SLTM: variants seen among roughly 807,000 people sequenced by gnomAD.
The protein encoded by SLTM is SAFB-like transcription modulator.
Under a neutral mutation model 134.6 loss-of-function variants are expected in SLTM, and 43 were observed. The ratio of observed to expected loss-of-function variants is 0.32; its 90% CI spans 0.25 to 0.41. The LOEUF is 0.41. Ranked by LOEUF, SLTM falls within the 10% of genes least tolerant of loss-of-function variation. The pLI, the probability that SLTM is intolerant of heterozygous loss-of-function variation, is 1.00. For synonymous variants in SLTM, 424 were observed against 432.3 expected, an observed-to-expected ratio of 0.98 and a Z score of 0.24; for missense variants, 1,055 against 1,288.8, an observed-to-expected ratio of 0.82 and a Z score of 2.78.
chr15:58,900,058 G>T, intron 6 of SLTM, 121 bp from the exon 7 acceptor site: 90 of 516,152 alleles, frequency 1.7e-4, no homozygotes, highest in Non-Finnish European at 1.9e-4. Flanking sequence ...GGAAGTTAGG[G>T]AAAAAAAAAA....
At chr15:58,917,311 A>C (rs2036717660) in intron 2 of SLTM, among the ~76,000 whole-genome samples, 1 of 152,222 alleles carries the variant, frequency 6.6e-6, no homozygotes, top group African/African-American at 2.4e-5. Context: ...AGAAGCTGTG[A>C]TACCTTTCAA....
intron 20 of SLTM, among the ~76,000 whole-genome samples, chr15:58,881,770 T>G (rs1319435826): frequency 6.6e-6 from 1 of 152,102 alleles, no homozygotes; most frequent in Non-Finnish European, 1.5e-5. Context: ...ATGATAAACT[T>G]TCTTTTTGTA....
intron 2 of SLTM, 137 bp downstream of exon 2, chr15:58,932,219 T>A (rs2037928718): frequency 1.5e-6 from 1 of 673,918 alleles, no homozygotes; most frequent in Admixed American, 2.3e-5. Flanking sequence ...TAACTTTTCT[T>A]CCTTGACCCA....
chr15:58,894,242 TG>T (rs1211754941), intron 10 of SLTM, 49 bp from the exon 11 acceptor site: 1 of 1,503,856 alleles, frequency 6.6e-7, no homozygotes, highest in South Asian at 1.2e-5. Flanking sequence ...GTTACATTTT[TG>T]TGATTATAAG....
chr15:58,883,241 G>C (rs1207485108), intron 20 of SLTM, among the ~76,000 whole-genome samples: 5 of 152,214 alleles, frequency 3.3e-5, no homozygotes, highest in Non-Finnish European at 7.3e-5. Context: ...CTTGAACCCA[G>C]GAGGCGGAGG....
chr15:58,903,878 A>G (rs755927883), intron 5 of SLTM, among the ~76,000 whole-genome samples: 1 of 152,240 alleles, frequency 6.6e-6, no homozygotes, highest in Non-Finnish European at 1.5e-5. Context: ...CTTATTTATA[A>G]TACAATTTTA....
intron 6 of SLTM, among the ~76,000 whole-genome samples, chr15:58,900,138 G>C (rs981451090): frequency 4.0e-5 from 6 of 150,884 alleles, no homozygotes; most frequent in African/African-American, 1.2e-4. Flanking sequence ...TGGAAAAAAT[G>C]ATCTCTACAT....
intron 1 of SLTM, 50 bp downstream of exon 1, chr15:58,933,354 G>A (rs369652888): frequency 2.0e-6 from 3 of 1,515,400 alleles, no homozygotes; most frequent in African/African-American, 2.9e-5. Context: ...GCGCCGAGGC[G>A]CGGCCTAAGT....
At chr15:58,885,446 T>C (rs2034101982) in intron 19 of SLTM, among the ~76,000 whole-genome samples, 2 of 152,200 alleles carry the variant, frequency 1.3e-5, no homozygotes, top group Non-Finnish European at 2.9e-5. Flanking sequence ...CTTTGATACT[T>C]AAATTTTACT....
chr15:58,882,950 A>T (rs1268747448), intron 20 of SLTM, among the ~76,000 whole-genome samples: 1 of 152,264 alleles, frequency 6.6e-6, no homozygotes, highest in Non-Finnish European at 1.5e-5. Flanking sequence ...ACACACTTTC[A>T]GTATTTTCTT....
Position 58,894,599 on chromosome 15 carries a change from T to C in SLTM, c.1228-17A>G, listed in dbSNP as rs752715071. 3 of 1,613,694 alleles carry C rather than the reference T, an allele frequency of 1.9e-6. No homozygotes were observed. Among genetic ancestry groups the C allele is most frequent in the Non-Finnish European group, 1.7e-6 (2 of 1,179,686 alleles). On this transcript the variant is annotated splice_polypyrimidine_tract_variant and intron_variant, in intron 9 of 20. Transcript: ENST00000380516. ...ACTCAGAACCTATAAAATCAGACTGTACTTTAGAGAGTTTTACAACGTTCC... is the reference window on the plus strand; with the variant it reads ...ACTCAGAACCTATAAAATCAGACTGCACTTTAGAGAGTTTTACAACGTTCC...
chr15:58,908,427 T>C (rs2036027843), intron 5 of SLTM, among the ~76,000 whole-genome samples: 2 of 151,968 alleles, frequency 1.3e-5, no homozygotes. Context: ...AGTACAGTGG[T>C]GTGATCTTGG....
intron 5 of SLTM, among the ~76,000 whole-genome samples, chr15:58,907,735 GACT>G (rs1202458766): frequency 6.6e-6 from 1 of 152,062 alleles, no homozygotes; most frequent in Non-Finnish European, 1.5e-5. Context: ...CACTACAAAT[GACT>G]ACTAATTGCA....
At chr15:58,898,441 G>A (rs1319229178) in intron 8 of SLTM, 6 of 160,654 alleles carry the variant, frequency 3.7e-5, no homozygotes, top group African/African-American at 1.4e-4. Flanking sequence ...ACAGGAAAAA[G>A]GTTGTGGTGA....
At chr15:58,889,199 T>A in intron 16 of SLTM, 1 of 433,298 alleles carries the variant, frequency 2.3e-6, no homozygotes, top group East Asian at 4.2e-5. Flanking sequence ...ACAATGTATT[T>A]CCAGTCATAA....
intron 2 of SLTM, among the ~76,000 whole-genome samples, chr15:58,931,450 G>A (rs1296345362): frequency 1.3e-5 from 2 of 151,996 alleles, no homozygotes; most frequent in Non-Finnish European, 2.9e-5. Context: ...TCAGTGGTTG[G>A]GAGTAACACT....
intron 1 of SLTM, 91 bp from the exon 2 acceptor site, chr15:58,932,534 C>A (rs541428822): frequency 2.3e-6 from 2 of 864,230 alleles, no homozygotes; most frequent in Non-Finnish European, 3.7e-6. Flanking sequence ...AAACCTCAAG[C>A]CTCAAGACAT....
In SLTM at chr15:58,889,426, C is replaced by T; in HGVS notation, c.2204+4G>A. The T allele has an allele frequency of 6.2e-7, 1 of 1,613,672 alleles. No individual in the cohort carries two copies. Among genetic ancestry groups the T allele is most frequent in the Non-Finnish European group, 8.5e-7 (1 of 1,179,670 alleles). On this transcript the variant is annotated splice_donor_region_variant and intron_variant, in intron 16 of 20. Transcript: ENST00000380516. ...AACTGTTAAGGAATAAAATGAGTAA[C>T]TACCTATGATCTACATCACGTGGGC...
Position 58,913,742 on chromosome 15 carries a change from T to G in SLTM, c.316-46A>C, listed in dbSNP as rs1372463292. 3 of 1,495,286 alleles carry G rather than the reference T, an allele frequency of 2.0e-6. No individual in the cohort carries two copies. In the African/African-American group the frequency reaches 4.2e-5, roughly 21 times the overall value. 92.6% of individuals were successfully genotyped at this position (1,495,286 alleles called of 1,614,324 possible). On this transcript the variant is annotated intron_variant, in intron 3 of 20. Coordinates refer to ENST00000380516, the MANE Select transcript of SLTM (RefSeq NM_024755.4). ...TGGTACAACTAGAGGCAAAGTAGTG[T>G]GGGCTATCCACCAAACGTTTTTGGT...
Sources: allele counts gnomAD v4.1 joint callset (sites outside exome capture counted in the v4.1 genomes callset), GRCh38; gene constraint gnomAD v4.1.1; transcripts MANE v1.5; gene names NCBI Gene and HGNC (gene_info 2026-07-23, HGNC 2026-07-21).